EYS: variants seen among roughly 807,000 people sequenced by gnomAD.
The protein encoded by EYS is protein eyes shut homolog.
A neutral mutation model predicts 282.1 loss-of-function variants in EYS; 250 were observed. The observed-to-expected ratio is 0.89, with a 90% CI of 0.80 to 0.98. The LOEUF is 0.98. Ranked by LOEUF, EYS falls within the 50% of genes least tolerant of loss-of-function variation. EYS has a pLI of 0.00. For missense variants in EYS, 4,016 were observed against 3,709.0 expected (o/e 1.08, Z -2.15); for synonymous variants, 1,355 against 1,282.9 (o/e 1.06, Z -1.20).
At chr6:64,136,024 GCAGA>G (rs1774149228) in intron 31 of EYS, among the ~76,000 whole-genome samples, 1 of 151,892 alleles carries the variant, frequency 6.6e-6, no homozygotes, top group African/African-American at 2.4e-5. Context: ...TTTCAAAACT[GCAGA>G]CAGTCCTCTC....
At chr6:64,864,923 C>T (rs1042756273) in intron 19 of EYS, among the ~76,000 whole-genome samples, 3 of 151,828 alleles carry the variant, frequency 2.0e-5, no homozygotes, top group Non-Finnish European at 4.4e-5. Context: ...GTAATCCCAG[C>T]TATTCAGGAG....
At chr6:63,949,168 T>A (rs1220062191) in intron 35 of EYS, among the ~76,000 whole-genome samples, 4 of 152,292 alleles carry the variant, frequency 2.6e-5, no homozygotes, top group African/African-American at 9.6e-5. Context: ...TAGACATAGT[T>A]CTGTTAGAAG....
chr6:65,032,642 G>T (rs1772641082), intron 13 of EYS, among the ~76,000 whole-genome samples: 2 of 151,916 alleles, frequency 1.3e-5, no homozygotes, highest in African/African-American at 4.8e-5. Context: ...TTCCTGTAAA[G>T]CCTGCAGAAC....
intron 19 of EYS, among the ~76,000 whole-genome samples, chr6:64,881,975 G>T (rs1766935346): frequency 6.6e-6 from 1 of 151,744 alleles, no homozygotes; most frequent in African/African-American, 2.4e-5. Context: ...TTTTCAAAGT[G>T]CAATTTCAAT....
intron 14 of EYS, among the ~76,000 whole-genome samples, chr6:64,986,210 A>C (rs1224968173): frequency 2.0e-5 from 3 of 151,582 alleles, no homozygotes; most frequent in Non-Finnish European, 4.4e-5. Context: ...GAAAAAAAGA[A>C]AAACTTTTAT....
At chr6:64,141,916 A>C (rs1192291615) in intron 31 of EYS, among the ~76,000 whole-genome samples, 1 of 152,182 alleles carries the variant, frequency 6.6e-6, no homozygotes, top group African/African-American at 2.4e-5. Flanking sequence ...TGCCCAAGGC[A>C]AGTTTTCCCT....
intron 23 of EYS, among the ~76,000 whole-genome samples, chr6:64,625,825 G>T (rs1218376403): frequency 6.6e-6 from 1 of 152,148 alleles, no homozygotes; most frequent in Admixed American, 6.6e-5. Flanking sequence ...AGGCATAATT[G>T]ATACAAAGAT....
At chr6:64,640,269 T>C (rs9688362) in intron 22 of EYS, among the ~76,000 whole-genome samples, 77,502 of 134,698 alleles carry the variant, frequency 0.58, 22,695 homozygotes, top group South Asian at 0.65. Flanking sequence ...CACATGCACA[T>C]GTATGTTTAT....
chr6:64,857,474 C>T (rs922442980), intron 19 of EYS, among the ~76,000 whole-genome samples: 1 of 152,130 alleles, frequency 6.6e-6, no homozygotes, highest in Admixed American at 6.5e-5. Context: ...TGTGTATGTA[C>T]AGCACATTTT....
At chr6:65,382,455 C>CTGTG (rs1562139086) in intron 8 of EYS, among the ~76,000 whole-genome samples, 1 of 60,758 alleles carries the variant, frequency 1.6e-5, no homozygotes. Context: ...GTCTCCTTTC[C>CTGTG]TCTGTGTGTG....
At chr6:64,869,547 A>T (rs1298845971) in intron 19 of EYS, among the ~76,000 whole-genome samples, 1 of 151,632 alleles carries the variant, frequency 6.6e-6, no homozygotes, top group Non-Finnish European at 1.5e-5. Context: ...AAGAGAAAAA[A>T]AATCTTAGTT....
At chr6:65,525,365 G>A (rs556879487) in intron 2 of EYS, among the ~76,000 whole-genome samples, 1 of 152,160 alleles carries the variant, frequency 6.6e-6, no homozygotes, top group Admixed American at 6.6e-5. Context: ...ATTCAGAAAG[G>A]TCTATTATAC....
At chr6:63,996,912 G>GT (rs1767862674) in intron 34 of EYS, among the ~76,000 whole-genome samples, 1 of 152,100 alleles carries the variant, frequency 6.6e-6, no homozygotes, top group African/African-American at 2.4e-5. Flanking sequence ...TAATACAGGT[G>GT]TTTTTTCTTA....
rs914157324 is a variant in EYS, at chr6:65,690,727, TCTAGCCCC to T, written c.-448+16400_-448+16407del. Among the ~76,000 whole-genome samples, 9 of 149,936 alleles carry T rather than the reference TCTAGCCCC, an allele frequency of 6.0e-5. 1 individual carries two copies. The highest frequency in any genetic ancestry group is 1.3e-4 in the Non-Finnish European group (9 of 67,612). On this transcript the variant is annotated intron_variant, in intron 1 of 42. Transcript: ENST00000503581. ...GTATTTCTCCTAATGCTATCCCTCC[TCTAGCCCC>T]CCAGCCCACAACAGGCCCCCAAGTG...
At chr6:65,042,641 T>A (rs1270395710) in intron 13 of EYS, among the ~76,000 whole-genome samples, 3 of 151,350 alleles carry the variant, frequency 2.0e-5, no homozygotes, top group African/African-American at 7.3e-5. Flanking sequence ...TTTGTTATGT[T>A]TATTATTTAT....
chr6:65,280,542 A>G (rs1768187671), intron 12 of EYS, among the ~76,000 whole-genome samples: 2 of 152,150 alleles, frequency 1.3e-5, no homozygotes, highest in Admixed American at 1.3e-4. Context: ...AATTTATATC[A>G]TAAATATCTG....
rs529554667 is a variant in EYS at position 64,513,629 on chromosome 6, T to C, written c.5645-74277A>G. 8.6e-5 allele frequency among the ~76,000 whole-genome samples: 13 copies of C among 152,010 alleles called. No individual in the cohort carries two copies. In the East Asian group the frequency reaches 2.5e-3, roughly 30 times the overall value. On this transcript the variant is annotated intron_variant, in intron 26 of 42. Transcript: ENST00000503581. ...TCATGCCAAGGCAAGAAAGAACGAC[T>C]TTAAATCATCAGGAACATTTGAAGT...
In EYS at chr6:64,824,838, C is replaced by T. The variant is rs79646720; in HGVS notation, c.2993-2016G>A. ...AGCATCATCAAGATTATCTTAGGATCTTTTTTTCCTAATGTTTTATTCATT... is the reference window on the plus strand; with the variant it reads ...AGCATCATCAAGATTATCTTAGGATTTTTTTTTCCTAATGTTTTATTCATT... On this transcript the variant is annotated intron_variant, in intron 19 of 42. Coordinates refer to ENST00000503581, the MANE Select transcript of EYS (RefSeq NM_001142800.2). 3.8e-3 allele frequency among the ~76,000 whole-genome samples: 570 copies of T among 151,870 alleles called. 2 individuals are homozygous for T. The highest frequency in any genetic ancestry group is 6.1e-3 in the Non-Finnish European group (412 of 67,854).
In EYS at chr6:64,237,434, T is replaced by C. The variant is rs191387543; in HGVS notation, c.6192-6610A>G. On this transcript the variant is annotated intron_variant, in intron 30 of 42. Coordinates refer to ENST00000503581, the MANE Select transcript of EYS (RefSeq NM_001142800.2). ...TATAAACACATACACATGTATTTAA[T>C]ATACCTATGTCTATATCTACATCTA... 8.1e-3 allele frequency among the ~76,000 whole-genome samples: 1,238 copies of C among 152,234 alleles called. 15 individuals are homozygous for C. The highest frequency in any genetic ancestry group is 0.028 in the African/African-American group (1,161 of 41,530).
Sources: allele counts gnomAD v4.1 joint callset (sites outside exome capture counted in the v4.1 genomes callset), GRCh38; gene constraint gnomAD v4.1.1; transcripts MANE v1.5; gene names NCBI Gene and HGNC (gene_info 2026-07-23, HGNC 2026-07-21).